Variants in COL25A1 observed in about 807,000 individuals in gnomAD.
The protein encoded by COL25A1 is collagen type XXV alpha 1 chain.
COL25A1 carries 103 observed loss-of-function variants against 128.4 expected under a neutral mutation model. That is an observed-to-expected ratio of 0.80 (90% CI 0.68 to 0.94). The LOEUF is 0.94. Among genes scored for constraint, COL25A1 ranks in the 40% least tolerant of loss-of-function variants. The pLI is 0.00. For synonymous variants in COL25A1, 279 were observed against 277.2 expected (o/e 1.01, Z -0.06); for missense variants, 745 against 840.0 (o/e 0.89, Z 1.40).
intron 6 of COL25A1, among the ~76,000 whole-genome samples, chr4:109,000,743 C>CAAAAAAAAAAAAAAAAA (rs1180104512): frequency 5.5e-5 from 2 of 36,422 alleles, no homozygotes; most frequent in African/African-American, 3.4e-4. Flanking sequence ...GAGACTCTGT[C>CAAAAAAAAAAAAAAAAA]AAAAAAAAAA....
intron 3 of COL25A1, among the ~76,000 whole-genome samples, chr4:109,294,894 A>C (rs1180718501): frequency 6.6e-6 from 1 of 152,028 alleles, no homozygotes; most frequent in Non-Finnish European, 1.5e-5. Context: ...TCATCTCTCC[A>C]TTCACCTAAT....
intron 11 of COL25A1, among the ~76,000 whole-genome samples, chr4:108,929,964 T>G (rs1746532311): frequency 6.6e-6 from 1 of 152,204 alleles, no homozygotes; most frequent in Admixed American, 6.5e-5. Flanking sequence ...TAATTTCTTT[T>G]TATTAGAGCC....
intron 8 of COL25A1, among the ~76,000 whole-genome samples, chr4:108,969,032 G>A (rs1328928090): frequency 2.0e-5 from 3 of 152,008 alleles, no homozygotes; most frequent in Non-Finnish European, 4.4e-5. Context: ...CAACTCCAGG[G>A]TCACAGGTCC....
chr4:108,819,992 G>C, intron 35 of COL25A1: 1 of 479,170 alleles, frequency 2.1e-6, no homozygotes. Flanking sequence ...ATTCTGGAAG[G>C]GCATTTACCA....
At chr4:109,054,132 T>C (rs1283322232) in intron 3 of COL25A1, among the ~76,000 whole-genome samples, 1 of 152,234 alleles carries the variant, frequency 6.6e-6, no homozygotes, top group Non-Finnish European at 1.5e-5. Flanking sequence ...CTTTATATTT[T>C]CTTTTTAGTC....
chr4:109,159,116 T>A (rs968258144), intron 3 of COL25A1, among the ~76,000 whole-genome samples: 2 of 151,864 alleles, frequency 1.3e-5, no homozygotes, highest in Non-Finnish European at 2.9e-5. Context: ...TTAAACATGC[T>A]AAAAATTTTT....
At chr4:109,119,148 T>TTG (rs1245034582) in intron 3 of COL25A1, among the ~76,000 whole-genome samples, 2 of 152,062 alleles carry the variant, frequency 1.3e-5, no homozygotes, top group African/African-American at 4.8e-5. Context: ...ACTGTTTAAA[T>TTG]ATTTTGAACT....
chr4:109,123,601 G>A (rs1768306435), intron 3 of COL25A1, among the ~76,000 whole-genome samples: 1 of 151,994 alleles, frequency 6.6e-6, no homozygotes, highest in South Asian at 2.1e-4. Flanking sequence ...AAATATGTAT[G>A]GAGTAATATG....
At chr4:109,027,572 C>A (rs769138198) in intron 5 of COL25A1, among the ~76,000 whole-genome samples, 73 of 151,990 alleles carry the variant, frequency 4.8e-4, no homozygotes, top group African/African-American at 1.7e-3. Context: ...TGTCCACTAT[C>A]GGGAAAAGGC....
chr4:108,830,127 CT>C (rs1732904974), intron 32 of COL25A1, among the ~76,000 whole-genome samples: 1 of 152,312 alleles, frequency 6.6e-6, no homozygotes, highest in Non-Finnish European at 1.5e-5. Context: ...AGCTTGAAAA[CT>C]TTTAGGAATG....
chr4:108,834,537 C>G (rs1733548197), intron 31 of COL25A1: 1 of 605,100 alleles, frequency 1.7e-6, no homozygotes. Flanking sequence ...CACATTGCTA[C>G]AAATTGTTAG....
At chr4:108,938,551 T>A (rs1747703008) in intron 10 of COL25A1, among the ~76,000 whole-genome samples, 1 of 152,086 alleles carries the variant, frequency 6.6e-6, no homozygotes, top group African/African-American at 2.4e-5. Context: ...GAATAGCCAC[T>A]GCACTACAGC....
chr4:109,108,122 T>C (rs1029183819), intron 3 of COL25A1, among the ~76,000 whole-genome samples: 1 of 152,222 alleles, frequency 6.6e-6, no homozygotes, highest in Non-Finnish European at 1.5e-5. Context: ...GTTGGTGTGC[T>C]GCACCCACTA....
At chr4:108,828,021 A>G (rs1028369068) in intron 32 of COL25A1, among the ~76,000 whole-genome samples, 1 of 152,180 alleles carries the variant, frequency 6.6e-6, no homozygotes, top group Non-Finnish European at 1.5e-5. Flanking sequence ...GTTGTTCCCT[A>G]TAGCATCCTT....
chr4:109,300,587 T>C lies in COL25A1; in HGVS notation c.363A>G (p.Pro121=). The C allele has an allele frequency of 1.2e-6, 2 of 1,606,648 alleles. No homozygotes were observed. Among genetic ancestry groups the C allele is most frequent in the Non-Finnish European group, 1.7e-6 (2 of 1,173,130 alleles). ...GTTAAATAAGTTCCATTTTACCTGC[T>C]GGGCAGTTACATTCTGAAGGTGCTT... ...AREAPSECNC[P]AGPPGKRGKR... is the part of the protein sequence containing the mutation. Residue 121 remains proline (P), a synonymous_variant, in exon 3 of 38, where the codon CCA becomes CCG. Coordinates refer to ENST00000399132, the MANE Select transcript of COL25A1 (RefSeq NM_198721.4).
chr4:109,122,837 A>G, intron 3 of COL25A1, among the ~76,000 whole-genome samples: 1 of 152,114 alleles, frequency 6.6e-6, no homozygotes, highest in Admixed American at 6.6e-5. Flanking sequence ...AACATAGAGA[A>G]ATATACTTAT....
intron 3 of COL25A1, among the ~76,000 whole-genome samples, chr4:109,280,544 G>C (rs1440925478): frequency 6.6e-6 from 1 of 152,140 alleles, no homozygotes; most frequent in African/African-American, 2.4e-5. Context: ...GACCATGGTG[G>C]AAACCTGAAT....
chr4:109,267,359 C>T (rs1240536391), intron 3 of COL25A1, among the ~76,000 whole-genome samples: 1 of 152,012 alleles, frequency 6.6e-6, no homozygotes, highest in African/African-American at 2.4e-5. Flanking sequence ...AGTCATGGTA[C>T]ACAAAAAACA....
In COL25A1 at chr4:108,833,219, A is replaced by G. The variant is rs937416109; in HGVS notation, c.1657-786T>C. Among the ~76,000 whole-genome samples the G allele has an allele frequency of 4.6e-5, 7 of 152,178 alleles. No individual in the cohort carries two copies. The East Asian group carries it at 1.3e-3, about 29-fold the overall frequency. ...ACAGTGTGTAACTGTTCAATCCAAAAACTTCCTGCAGCTCTGTTGGGGGCA... is the reference window on the plus strand; with the variant it reads ...ACAGTGTGTAACTGTTCAATCCAAAGACTTCCTGCAGCTCTGTTGGGGGCA... On this transcript the variant is annotated intron_variant, in intron 31 of 37. Transcript: ENST00000399132.
Sources: allele counts gnomAD v4.1 joint callset (sites outside exome capture counted in the v4.1 genomes callset), GRCh38; gene constraint gnomAD v4.1.1; transcripts MANE v1.5; gene names NCBI Gene and HGNC (gene_info 2026-07-23, HGNC 2026-07-21).